TTN: variants seen among roughly 807,000 people sequenced by gnomAD.
TTN encodes titin, also known as connectin.
In TTN, 1,525 loss-of-function variants were observed where a neutral mutation model predicts 3,223.0. The ratio of observed to expected loss-of-function variants is 0.47; its 90% CI spans 0.45 to 0.49. The LOEUF is 0.49. TTN is among the 20% of genes least tolerant of loss of function. TTN has a pLI of 0.00. For missense variants in TTN, 40,786 were observed against 43,424.0 expected (o/e 0.94, Z 5.40); for synonymous variants, 14,094 against 15,161.0 (o/e 0.93, Z 5.17).
chr2:178,679,250 G>T, intron 142 of TTN, 89 bp downstream of exon 142: 2 of 1,374,722 alleles, frequency 1.5e-6, no homozygotes, highest in Non-Finnish European at 2.1e-6. Flanking sequence ...TGTTAATATT[G>T]TCATGGGGAA....
At chr2:178,751,527 C>G in intron 47 of TTN, 1 of 1,613,414 alleles carries the variant, frequency 6.2e-7, no homozygotes, top group South Asian at 1.1e-5. Flanking sequence ...TCTCCCCTTT[C>G]AACTAAAGCC....
At chr2:178,760,652 G>A (rs984482737) in intron 43 of TTN, among the ~76,000 whole-genome samples, 5 of 152,094 alleles carry the variant, frequency 3.3e-5, no homozygotes, top group Admixed American at 6.5e-5. Context: ...TGGGCTATTC[G>A]TTGCATATAA....
chr2:178,725,481 T>G lies in TTN; in HGVS notation c.20723A>C (p.Asn6908Thr). ...TTTTGCAAACTGTAGAGTTGCAACA[T>G]TTTCCACAAATGTAATCCTGATGTT... ...SENIRITFVE[N>T]VATLQFAKAE... Residue 6908 changes from asparagine to threonine, a missense_variant, in exon 71 of 363, where the codon AAT becomes ACT. Physicochemically the swap from Asn to Thr is moderately conservative, Grantham distance 65. Coordinates refer to ENST00000589042, the MANE Select transcript of TTN (RefSeq NM_001267550.2). The G allele has an allele frequency of 1.2e-6, 2 of 1,613,332 alleles. No homozygotes were observed. The highest frequency in any genetic ancestry group is 1.3e-5 in the African/African-American group (1 of 75,016).
At position 178,567,578 on chromosome 2, in the gene TTN, T is replaced by C. The variant is rs1455158405; in HGVS notation, c.78554A>G (p.Lys26185Arg). 1.2e-6 allele frequency: 2 copies of C among 1,609,696 alleles called. No homozygotes were observed. Among genetic ancestry groups the C allele is most frequent in the African/African-American group, 2.7e-5 (2 of 74,806 alleles). Residue 26185 changes from lysine to arginine, a missense_variant, in exon 326 of 363, where the codon AAG (lysine) becomes AGG (arginine). Lys to Arg is a conservative substitution (Grantham distance 26, BLOSUM62 2). Transcript: ENST00000589042. ...AATTCTTGGGAGTTCAACCTCATCC[T>C]TGGCAGTTATTGGTCCAGTACTGTC... Reference protein sequence around the residue: ...PSDSTGPITAKDEVELPRISM... With the variant: ...PSDSTGPITARDEVELPRISM...
At position 178,575,421 on chromosome 2, in the gene TTN, C is replaced by T; in HGVS notation, c.70711G>A (p.Ala23571Thr). 1.2e-6 allele frequency: 2 copies of T among 1,613,604 alleles called. No homozygotes were observed. Among genetic ancestry groups the T allele is most frequent in the Non-Finnish European group, 1.7e-6 (2 of 1,179,638 alleles). Reference protein sequence around the residue: ...GSKITGYVIEAQRKGSDQWTH... With the variant: ...GSKITGYVIETQRKGSDQWTH... ...CACTGGTCAGAGCCTTTTCTTTGGG[C>T]TTCAATCACATAGCCAGTGATCTTG... is the stretch of plus-strand genomic sequence containing the variant. Residue 23571 changes from alanine to threonine, a missense_variant, in exon 326 of 363, where the codon GCC (alanine) becomes ACC (threonine). Transcript: ENST00000589042. This position sits in a 1 kb window ranked among gnomAD's most constrained non-coding sequence, Gnocchi z 4.0.
At position 178,741,171 on chromosome 2, in the gene TTN, G is replaced by C. The variant is rs770837770; in HGVS notation, c.12062C>G (p.Thr4021Ser). The change falls in exon 48 of 363, where the codon ACC becomes AGC. Residue 4021 changes from threonine to serine, a missense_variant. Transcript: ENST00000589042. ...AAGCACAAGCAGCTCTGCTGCACAG[G>C]TGGACTCACCCAACATATTCTCTGC... ...CKAENMLGES[T>S]CAAELLVLLE... The C allele has an allele frequency of 6.8e-6, 11 of 1,613,440 alleles. No individual in the cohort carries two copies. In the South Asian group the frequency reaches 1.2e-4, roughly 18 times the overall value.
chr2:178,778,142 G>T, intron 24 of TTN, 167 bp from the exon 25 acceptor site: 2 of 879,618 alleles, frequency 2.3e-6, no homozygotes, highest in Non-Finnish European at 3.5e-6. Flanking sequence ...TATTATTGTT[G>T]CCCCCACAAC....
At position 178,675,103 on chromosome 2, in the gene TTN, C is replaced by T. The variant is rs1400343685; in HGVS notation, c.34548G>A (p.Val11516=). The change falls in exon 150 of 363, where the codon GTG becomes GTA. Residue 11516 remains valine (V), a synonymous_variant. Coordinates refer to ENST00000589042, the MANE Select transcript of TTN (RefSeq NM_001267550.2). ...AVAPPAKVPE[V]PKKVEEKRII... is the part of the protein sequence containing the mutation. ...TTCGTTTTTCTTCCACCTTCTTAGG[C>T]ACCTCAGGAACTTGAGAGACATTGA... 3 of 1,559,942 alleles carry T rather than the reference C, an allele frequency of 1.9e-6. No homozygotes were observed. The highest frequency in any genetic ancestry group is 2.6e-6 in the Non-Finnish European group (3 of 1,158,624).
rs1178703458 is a variant in TTN, at chr2:178,609,904, A to G, written c.51519T>C (p.Tyr17173=). ...AMTITWKPPL[Y]DGGSKIMGYI... ...AGCCCATTATCTTGCTCCCTCCATC[A>G]TACAAAGGTGGCTTCCATGTAATAG... The change falls in exon 272 of 363, where the codon TAT becomes TAC. Residue 17173 remains tyrosine, a synonymous_variant. Coordinates refer to ENST00000589042, the MANE Select transcript of TTN (RefSeq NM_001267550.2). 1 of 1,612,980 alleles carries G rather than the reference A, an allele frequency of 6.2e-7. No individual in the cohort carries two copies. The highest frequency in any genetic ancestry group is 1.1e-5 in the South Asian group (1 of 91,034).
At position 178,712,521 on chromosome 2, in the gene TTN, G is replaced by A. The variant is rs1023873134; in HGVS notation, c.27401C>T (p.Thr9134Ile). 13 of 1,613,538 alleles carry A rather than the reference G, an allele frequency of 8.1e-6. No homozygotes were observed. Among genetic ancestry groups the A allele is most frequent in the Non-Finnish European group, 1.0e-5 (12 of 1,179,744 alleles). The change falls in exon 95 of 363, where the codon ACA becomes ATA. Residue 9134 changes from threonine to isoleucine, a missense_variant. Coordinates refer to ENST00000589042, the MANE Select transcript of TTN (RefSeq NM_001267550.2). The stretch of plus-strand genomic sequence containing the variant: ...CGAAATGGGAGGAGTTCCAGTGAAT[G>A]TACCCTCTAGGATCAGGGGTTTTCC... ...EKGKPLILEG[T>I]FTGTPPISVT...
chr2:178,652,222 A>G, intron 203 of TTN, 42 bp downstream of exon 203: 1 of 1,612,794 alleles, frequency 6.2e-7, no homozygotes, highest in South Asian at 1.1e-5. Flanking sequence ...CAAAGTAAAG[A>G]CAAACAAACA....
At chr2:178,538,019 A>G in intron 354 of TTN, 102 bp from the exon 355 acceptor site, 1 of 1,065,074 alleles carries the variant, frequency 9.4e-7, no homozygotes, top group South Asian at 1.7e-5. Context: ...ACTGACACAT[A>G]CCATGATTTA....
rs1706751422 is a variant in TTN at position 178,568,344 on chromosome 2, T to C, written c.77788A>G (p.Lys25930Glu). Residue 25930 changes from lysine (K) to glutamate (E), a missense_variant, in exon 326 of 363, where the codon AAA (lysine) becomes GAA (glutamate). Lys to Glu is a moderately conservative substitution (Grantham distance 56). Coordinates refer to ENST00000589042, the MANE Select transcript of TTN (RefSeq NM_001267550.2). ...GCQITNYIVQKRDTTTTVWDV... is the reference protein window; with the variant it reads ...GCQITNYIVQERDTTTTVWDV... ...CATACTGTGGTGGTTGTATCTCTTTTCTGAACAATGTAGTTGGTGATTTGG... is the reference window on the plus strand; with the variant it reads ...CATACTGTGGTGGTTGTATCTCTTTCCTGAACAATGTAGTTGGTGATTTGG... 1.9e-6 allele frequency: 3 copies of C among 1,613,288 alleles called. No homozygotes were observed. Among genetic ancestry groups the C allele is most frequent in the Admixed American group, 1.7e-5 (1 of 59,938 alleles).
rs970752412 is a variant in TTN at position 178,601,896 on chromosome 2, G to A, written c.55288C>T (p.Pro18430Ser). 1.2e-6 allele frequency: 2 copies of A among 1,611,882 alleles called. No individual in the cohort carries two copies. Among genetic ancestry groups the A allele is most frequent in the Non-Finnish European group, 1.7e-6 (2 of 1,179,052 alleles). Residue 18430 changes from proline to serine, a missense_variant, in exon 285 of 363, where the codon CCC becomes TCC. Transcript: ENST00000589042. ...TATTTTTTTACCTGTGCATCTTCGG[G>A]TATGTCATGAACTCCATCCTATTAG... ...KAMKDGVHDI[P>S]EDAQLETAEN...
chr2:178,625,303 A>G lies in TTN; in HGVS notation c.44518T>C (p.Phe14840Leu), dbSNP rs1296759910. ...AGEVQLTAKD[F>L]KTHANLFVKE... ...ACAAAGAGGTTGGCGTGAGTTTTGA[A>G]ATCTTTTGCTGTTAGTTGGACTTCC... The change falls in exon 241 of 363, where the codon TTC (phenylalanine) becomes CTC (leucine). Residue 14840 changes from phenylalanine to leucine, a missense_variant. By Grantham distance (22) the Phe-to-Leu change is conservative. Coordinates refer to ENST00000589042, the MANE Select transcript of TTN (RefSeq NM_001267550.2). The G allele has an allele frequency of 1.9e-6, 3 of 1,607,986 alleles. No homozygotes were observed. The South Asian group carries it at 3.3e-5, about 18-fold the overall frequency.
chr2:178,621,300 C>T lies in TTN; in HGVS notation c.45418G>A (p.Val15140Ile). 1 of 1,612,004 alleles carries T rather than the reference C, an allele frequency of 6.2e-7. No homozygotes were observed. Among genetic ancestry groups the T allele is most frequent in the Non-Finnish European group, 8.5e-7 (1 of 1,179,006 alleles). Reference sequence around the variant, plus strand: ...AAGCTTTCTTTTGATATAGAGCAGACAAATTCAGCCTTTTCTCCTTCAAGT... The same window carrying T: ...AAGCTTTCTTTTGATATAGAGCAGATAAATTCAGCCTTTTCTCCTTCAAGT... Reference protein sequence around the residue: ...EILEGEKAEFVCSISKESFPV... With the variant: ...EILEGEKAEFICSISKESFPV... Residue 15140 changes from valine (V) to isoleucine (I), a missense_variant, in exon 246 of 363, where the codon GTC becomes ATC. Val to Ile is a conservative substitution (Grantham distance 29). Coordinates refer to ENST00000589042, the MANE Select transcript of TTN (RefSeq NM_001267550.2).
At chr2:178,652,421 GT>G in intron 202 of TTN, 36 bp downstream of exon 202, 1 of 1,613,002 alleles carries the variant, frequency 6.2e-7, no homozygotes, top group Middle Eastern at 1.7e-4. Context: ...GAGCAGAAGA[GT>G]TTGATCATCT....
rs370302649 is a variant in TTN at position 178,739,724 on chromosome 2, C to A, written c.13509G>T (p.Leu4503Phe). ...PRIQQGAKTS[L>F]QEEMDSFSGS... ...CTGAAAAAGAATCCATTTCTTCTTG[C>A]AAACTTGTTTTGGCTCCTTGCTGAA... The change falls in exon 48 of 363, where the codon TTG becomes TTT. Residue 4503 changes from leucine (L) to phenylalanine (F), a missense_variant. Physicochemically the swap from Leu to Phe is conservative, Grantham distance 22. Coordinates refer to ENST00000589042, the MANE Select transcript of TTN (RefSeq NM_001267550.2). 40 of 1,613,824 alleles carry A rather than the reference C, an allele frequency of 2.5e-5. No individual in the cohort carries two copies. Among genetic ancestry groups the A allele is most frequent in the Non-Finnish European group, 3.1e-5 (37 of 1,179,848 alleles).
rs903435826 is a variant in TTN at position 178,636,346 on chromosome 2, G to A, written c.41329+52C>T. 2.6e-6 allele frequency: 4 copies of A among 1,530,682 alleles called. No individual in the cohort carries two copies. Among genetic ancestry groups the A allele is most frequent in the Non-Finnish European group, 2.6e-6 (3 of 1,141,010 alleles). 94.8% of individuals were successfully genotyped at this position (1,530,682 alleles called of 1,614,324 possible). A position where few individuals can be genotyped will look rare whatever the true frequency, so the allele number is the denominator to read the frequency against. The stretch of plus-strand genomic sequence containing the variant: ...AACTACAATGCAAGTTGCTACTAAG[G>A]TTTGTTACATTAAAGTTTAATATAG... On this transcript the variant is annotated intron_variant, in intron 225 of 362. Transcript: ENST00000589042. This position sits in a 1 kb window ranked among gnomAD's most constrained non-coding sequence, Gnocchi z 4.3.
Sources: gnomAD v4.1 joint callset for allele counts (sites outside exome capture counted in the v4.1 genomes callset) on GRCh38, gnomAD v4.1.1 for gene constraint, Gnocchi (gnomAD v3.1) non-coding constraint, MANE v1.5 for transcripts, NCBI Gene and HGNC (gene_info 2026-07-23, HGNC 2026-07-21) for gene names.